TMCC1: variants seen among roughly 807,000 people sequenced by gnomAD.
TMCC1 encodes the protein transmembrane and coiled-coil domains protein 1.
A neutral mutation model predicts 52.4 loss-of-function variants in TMCC1; 15 were observed. The observed-to-expected ratio is 0.29, with a 90% confidence interval of 0.19 to 0.44. TMCC1 has a LOEUF of 0.44. TMCC1 is among the 20% of genes least tolerant of loss of function. The pLI is 1.00. For synonymous variants in TMCC1, 279 were observed against 301.9 expected (o/e 0.92, Z 0.79); for missense variants, 503 against 806.0 (o/e 0.62, Z 4.55).
At position 129,682,324 on chromosome 3, in the gene TMCC1, G is replaced by A. The variant is rs182427262; in HGVS notation, c.577-11060C>T. ...AAATAACTTTAAATATTCTTGACAC[G>A]TATCATGAAGAAGAAAATATAAACT... On this transcript the variant is annotated intron_variant, in intron 4 of 6. Coordinates refer to ENST00000393238, the MANE Select transcript of TMCC1 (RefSeq NM_001017395.5). Among the ~76,000 whole-genome samples, 14 of 152,088 alleles carry A rather than the reference G, an allele frequency of 9.2e-5. No individual in the cohort carries two copies. The East Asian group carries it at 2.1e-3, about 23-fold the overall frequency.
At chr3:129,658,910 A>G (rs1576342580) in intron 5 of TMCC1, among the ~76,000 whole-genome samples, 1 of 152,210 alleles carries the variant, frequency 6.6e-6, no homozygotes, top group South Asian at 2.1e-4. Flanking sequence ...TCTAACAATG[A>G]AAAAAACTAT....
At chr3:129,888,675 A>C (rs762287066) in intron 1 of TMCC1, among the ~76,000 whole-genome samples, 11 of 152,188 alleles carry the variant, frequency 7.2e-5, no homozygotes, top group Non-Finnish European at 1.5e-4. Flanking sequence ...AAGTAGATAC[A>C]CCACCCTTAA....
At chr3:129,813,001 C>T (rs554007442) in intron 4 of TMCC1, among the ~76,000 whole-genome samples, 33 of 152,072 alleles carry the variant, frequency 2.2e-4, no homozygotes, top group Non-Finnish European at 3.8e-4. Context: ...AGTGGGCAAA[C>T]GACATGAACG....
rs896423221 is a variant in TMCC1 at position 129,828,187 on chromosome 3, T to C, written c.192A>G (p.Ser64=). 1 of 1,614,198 alleles carries C rather than the reference T, an allele frequency of 6.2e-7. No individual in the cohort carries two copies. The highest frequency in any genetic ancestry group is 1.7e-5 in the Admixed American group (1 of 60,008). The change falls in exon 4 of 7, where the codon TCA becomes TCG. Residue 64 remains serine (S), a synonymous_variant. Coordinates refer to ENST00000393238, the MANE Select transcript of TMCC1 (RefSeq NM_001017395.5). This position sits in a 1 kb window ranked among gnomAD's most constrained non-coding sequence, Gnocchi z 4.1. ...TTTGCTGCACATCATGTGGAGACACTGATGACCTCCTGCGCTGGTGCTGGA... is the reference window on the plus strand; with the variant it reads ...TTTGCTGCACATCATGTGGAGACACCGATGACCTCCTGCGCTGGTGCTGGA... ...HLFQHQRRRS[S]VSPHDVQQIQ...
At chr3:129,682,123 A>T (rs2089042813) in intron 4 of TMCC1, among the ~76,000 whole-genome samples, 1 of 152,030 alleles carries the variant, frequency 6.6e-6, no homozygotes, top group East Asian at 1.9e-4. Context: ...ATCTGGAAAC[A>T]ACTACCTTAT....
intron 4 of TMCC1, among the ~76,000 whole-genome samples, chr3:129,728,102 GA>G (rs1177826985): frequency 2.0e-5 from 3 of 152,100 alleles, no homozygotes; most frequent in African/African-American, 7.2e-5. Context: ...CTAATTTATT[GA>G]ATAATTCTTA....
intron 4 of TMCC1, among the ~76,000 whole-genome samples, chr3:129,783,335 T>C (rs2055695955): frequency 1.3e-5 from 2 of 152,186 alleles, no homozygotes; most frequent in African/African-American, 4.8e-5. Context: ...GTCTAAATGA[T>C]AAAAATCCAT....
intron 2 of TMCC1, among the ~76,000 whole-genome samples, chr3:129,874,173 C>A (rs984289378): frequency 3.3e-5 from 5 of 152,116 alleles, no homozygotes; most frequent in Non-Finnish European, 5.9e-5. Flanking sequence ...TCTGCATATT[C>A]CTATTCAAAA....
intron 2 of TMCC1, among the ~76,000 whole-genome samples, chr3:129,840,077 C>G (rs2059351262): frequency 6.6e-6 from 1 of 150,702 alleles, no homozygotes; most frequent in Admixed American, 6.6e-5. Context: ...CCTGTAATCC[C>G]AGCACTTTGG....
chr3:129,741,853 TCTTA>T (rs2051484594), intron 4 of TMCC1, among the ~76,000 whole-genome samples: 1 of 152,132 alleles, frequency 6.6e-6, no homozygotes, highest in East Asian at 1.9e-4. Flanking sequence ...GTATTTTAAC[TCTTA>T]CTTATATACA....
intron 4 of TMCC1, among the ~76,000 whole-genome samples, chr3:129,708,779 T>A (rs2108991173): frequency 6.6e-6 from 1 of 152,322 alleles, no homozygotes; most frequent in Admixed American, 6.5e-5. Flanking sequence ...CAGTTACAAA[T>A]AATCACTTAT....
At chr3:129,795,045 C>G (rs1193681299) in intron 4 of TMCC1, among the ~76,000 whole-genome samples, 2 of 152,192 alleles carry the variant, frequency 1.3e-5, no homozygotes, top group Non-Finnish European at 2.9e-5. Flanking sequence ...CAAGCCTTTC[C>G]TCTTATTCAC....
chr3:129,840,487 A>G (rs1446715563), intron 2 of TMCC1, among the ~76,000 whole-genome samples: 2 of 152,264 alleles, frequency 1.3e-5, no homozygotes, highest in African/African-American at 2.4e-5. Flanking sequence ...AATTGCAGAC[A>G]AAGTAGATTT....
At chr3:129,711,353 A>C (rs894481277) in intron 4 of TMCC1, among the ~76,000 whole-genome samples, 1 of 152,206 alleles carries the variant, frequency 6.6e-6, no homozygotes, top group Non-Finnish European at 1.5e-5. Flanking sequence ...TATACATCAT[A>C]TGGTAACACC....
intron 2 of TMCC1, among the ~76,000 whole-genome samples, chr3:129,835,736 A>G (rs1223898855): frequency 6.6e-6 from 1 of 152,228 alleles, no homozygotes; most frequent in Non-Finnish European, 1.5e-5. Context: ...ATATGCACAG[A>G]CTATTTCATT....
rs567869498 is a variant in TMCC1 at position 129,666,048 on chromosome 3, A to C, written c.1511+4282T>G. On this transcript the variant is annotated intron_variant, in intron 5 of 6. Coordinates refer to ENST00000393238, the MANE Select transcript of TMCC1 (RefSeq NM_001017395.5). ...AAACTAAAGCGTAGAAAAAAAATGT[A>C]TCCTGAGCATCCACGCATGCATTAA... Among the ~76,000 whole-genome samples the C allele has an allele frequency of 5.9e-5, 9 of 152,300 alleles. No homozygotes were observed. The South Asian group carries it at 1.7e-3, about 28-fold the overall frequency.
At chr3:129,663,225 G>A (rs1168690676) in intron 5 of TMCC1, among the ~76,000 whole-genome samples, 2 of 152,184 alleles carry the variant, frequency 1.3e-5, no homozygotes, top group Non-Finnish European at 1.5e-5. Context: ...TGGCTCAAAA[G>A]TTTGGAGCCA....
intron 4 of TMCC1, among the ~76,000 whole-genome samples, chr3:129,713,196 A>C (rs941696114): frequency 5.3e-5 from 8 of 152,174 alleles, no homozygotes; most frequent in Admixed American, 6.5e-5. Flanking sequence ...CAGGAGAAGG[A>C]GGCTGTAGTG....
intron 4 of TMCC1, among the ~76,000 whole-genome samples, chr3:129,793,916 A>C (rs1005875403): frequency 3.3e-5 from 5 of 152,164 alleles, no homozygotes; most frequent in African/African-American, 1.2e-4. Context: ...AGTTTTTCTC[A>C]GTTTAATAGT....
Sources: allele counts gnomAD v4.1 joint callset (sites outside exome capture counted in the v4.1 genomes callset), GRCh38; gene constraint gnomAD v4.1.1; non-coding constraint Gnocchi (gnomAD v3.1); transcripts MANE v1.5; gene names NCBI Gene and HGNC (gene_info 2026-07-23, HGNC 2026-07-21).